AGMO: variants seen among roughly 807,000 people sequenced by gnomAD.
AGMO encodes glyceryl-ether monooxygenase.
A neutral mutation model predicts 60.2 loss-of-function variants in AGMO; 75 were observed. That is an observed-to-expected ratio of 1.25 (90% confidence interval 1.03 to 1.51). The LOEUF is 1.51. AGMO is among the 40% of genes most tolerant of loss of function. AGMO has a pLI of 0.00. For missense variants in AGMO, 763 were observed against 525.5 expected, an observed-to-expected ratio of 1.45 and a Z score of -4.42; for synonymous variants, 261 against 177.1, an observed-to-expected ratio of 1.47 and a Z score of -3.76.
chr7:15,397,722 T>G (rs1784450370), intron 5 of AGMO, among the ~76,000 whole-genome samples: 1 of 152,210 alleles, frequency 6.6e-6, no homozygotes, highest in South Asian at 2.1e-4. Context: ...ACAGCAAAAC[T>G]TTGGATTAAT....
At chr7:15,249,775 G>C (rs1782878426) in intron 12 of AGMO, among the ~76,000 whole-genome samples, 1 of 152,120 alleles carries the variant, frequency 6.6e-6, no homozygotes, top group Non-Finnish European at 1.5e-5. Flanking sequence ...GTCATGTCTG[G>C]GAGATGGGTA....
chr7:15,303,975 C>G (rs1780531455), intron 12 of AGMO, among the ~76,000 whole-genome samples: 1 of 152,042 alleles, frequency 6.6e-6, no homozygotes, highest in Non-Finnish European at 1.5e-5. Context: ...TCTAATAGCT[C>G]AAAATATCCA....
At chr7:15,488,746 A>G (rs766244617) in intron 3 of AGMO, among the ~76,000 whole-genome samples, 8 of 152,178 alleles carry the variant, frequency 5.3e-5, no homozygotes, top group Non-Finnish European at 8.8e-5. Flanking sequence ...GCCAGGCAAG[A>G]AAGATTTTAC....
chr7:15,265,753 C>T (rs1008748463), intron 12 of AGMO, among the ~76,000 whole-genome samples: 4 of 152,034 alleles, frequency 2.6e-5, no homozygotes, highest in African/African-American at 7.2e-5. Flanking sequence ...AAAACAATTA[C>T]TATATGATAT....
intron 12 of AGMO, among the ~76,000 whole-genome samples, chr7:15,293,184 T>C (rs902198699): frequency 5.3e-5 from 8 of 152,148 alleles, no homozygotes; most frequent in Non-Finnish European, 1.2e-4. Context: ...TAGTTTCAAT[T>C]TTACTTAAAG....
intron 12 of AGMO, among the ~76,000 whole-genome samples, chr7:15,343,412 T>C (rs921662060): frequency 3.3e-5 from 5 of 152,130 alleles, no homozygotes; most frequent in Non-Finnish European, 7.4e-5. Flanking sequence ...TGATACGAAA[T>C]ATAAGGCAGA....
chr7:15,189,769 T>C, the AGMO span, among the ~76,000 whole-genome samples: 4 of 151,450 alleles, frequency 2.6e-5, no homozygotes, highest in Non-Finnish European at 4.4e-5. Flanking sequence ...GATGTAACAA[T>C]AGAAAAAGCT....
At chr7:15,199,921 C>T (rs1040779442), downstream of AGMO, among the ~76,000 whole-genome samples, 1 of 152,118 alleles carries the variant, frequency 6.6e-6, no homozygotes, top group Non-Finnish European at 1.5e-5. Flanking sequence ...AAATATGCTT[C>T]AATTCTGTAT....
rs2128519207 is a variant in AGMO, at chr7:15,282,571, A to C, written c.1264-81212T>G. On this transcript the variant is annotated intron_variant, in intron 12 of 12. Transcript: ENST00000342526. ...GAAATGAGCAATGTCTCCAAGAAAT[A>C]TGAAATTATTTAAAATGGCCAGACC... Among the ~76,000 whole-genome samples, 3 of 152,336 alleles carry C rather than the reference A, an allele frequency of 2.0e-5. No homozygotes were observed. The South Asian group carries it at 6.2e-4, about 32-fold the overall frequency.
chr7:15,308,218 T>A (rs2128530067), intron 12 of AGMO, among the ~76,000 whole-genome samples: 1 of 152,232 alleles, frequency 6.6e-6, no homozygotes, highest in Non-Finnish European at 1.5e-5. Context: ...ACAATCAGAC[T>A]TTTACCCCTC....
the AGMO span, among the ~76,000 whole-genome samples, chr7:15,138,019 A>G: frequency 5.3e-5 from 8 of 152,192 alleles, no homozygotes; most frequent in African/African-American, 1.4e-4. Flanking sequence ...CTCAAAGGCT[A>G]TTATCCTCGC....
At chr7:15,175,086 A>C in the AGMO span, among the ~76,000 whole-genome samples, 1 of 152,024 alleles carries the variant, frequency 6.6e-6, no homozygotes, top group Admixed American at 6.6e-5. Context: ...CAGGATTAAA[A>C]ACTTACCTAA....
intron 4 of AGMO, among the ~76,000 whole-genome samples, chr7:15,430,512 G>T (rs560627549): frequency 1.3e-5 from 2 of 150,504 alleles, no homozygotes; most frequent in East Asian, 3.9e-4. Flanking sequence ...GAATATTTTA[G>T]AGCCAAAAAT....
chr7:15,494,038 G>A (rs1477665596), intron 3 of AGMO, among the ~76,000 whole-genome samples: 1 of 152,088 alleles, frequency 6.6e-6, no homozygotes, highest in African/African-American at 2.4e-5. Flanking sequence ...TAAATTTAAT[G>A]TATATTTCTT....
At chr7:15,433,099 GT>G (rs1285483287) in intron 3 of AGMO, among the ~76,000 whole-genome samples, 1 of 152,004 alleles carries the variant, frequency 6.6e-6, no homozygotes, top group East Asian at 1.9e-4. Flanking sequence ...ACATTGTCTA[GT>G]TTTTGACCTG....
intron 3 of AGMO, among the ~76,000 whole-genome samples, chr7:15,529,026 G>C (rs1324845168): frequency 6.6e-6 from 1 of 151,906 alleles, no homozygotes; most frequent in African/African-American, 2.4e-5. Context: ...CAACTTAAAA[G>C]ACACAAAAAG....
At chr7:15,243,550 G>T (rs1782658694) in intron 12 of AGMO, among the ~76,000 whole-genome samples, 2 of 152,158 alleles carry the variant, frequency 1.3e-5, no homozygotes, top group African/African-American at 4.8e-5. Flanking sequence ...GCTGAGATGA[G>T]TTTGCATGAT....
intron 12 of AGMO, among the ~76,000 whole-genome samples, chr7:15,321,675 C>T (rs1039476747): frequency 2.6e-5 from 4 of 151,536 alleles, no homozygotes; most frequent in Admixed American, 1.3e-4. Flanking sequence ...ATCTAGAAGA[C>T]GACTTCTACG....
chr7:15,357,574 G>A (rs967129144), intron 12 of AGMO, among the ~76,000 whole-genome samples: 1 of 152,172 alleles, frequency 6.6e-6, no homozygotes, highest in African/African-American at 2.4e-5. Flanking sequence ...ATGGAATGTA[G>A]CAGAAATATA....
Sources: gnomAD v4.1 joint callset for allele counts (sites outside exome capture counted in the v4.1 genomes callset) on GRCh38, gnomAD v4.1.1 for gene constraint, MANE v1.5 for transcripts, NCBI Gene and HGNC (gene_info 2026-07-23, HGNC 2026-07-21) for gene names.